KLF13: variants seen among roughly 807,000 people sequenced by gnomAD.
The protein encoded by KLF13 is KLF transcription factor 13, also known as Krueppel-like factor 13.
A neutral mutation model predicts 16.7 loss-of-function variants in KLF13; 8 were observed. That is an observed-to-expected ratio of 0.48 (90% CI 0.28 to 0.87). The LOEUF is 0.87. Ranked by LOEUF, KLF13 falls within the 40% of genes least tolerant of loss-of-function variation. The probability of loss-of-function intolerance (pLI) is 0.10; values close to 1 mark genes in which losing one functional copy is unlikely to be tolerated. For synonymous variants in KLF13, 245 were observed against 208.4 expected (o/e 1.18, Z -1.51); for missense variants, 447 against 452.2 (o/e 0.99, Z 0.10).
chr15:31,361,232 G>A lies in KLF13; in HGVS notation c.578-10778G>A, dbSNP rs576665028. 5.9e-5 allele frequency among the ~76,000 whole-genome samples: 9 copies of A among 152,298 alleles called. No homozygotes were observed. The South Asian group carries it at 1.0e-3, about 18-fold the overall frequency. Reference sequence around the variant, plus strand: ...GTGGGTGCCCCTGCTTGCTCCTCCTGGAACGTGAACGTGGGCAGCAGTGTT... The same window carrying A: ...GTGGGTGCCCCTGCTTGCTCCTCCTAGAACGTGAACGTGGGCAGCAGTGTT... On this transcript the variant is annotated intron_variant, in intron 1 of 1. Coordinates refer to ENST00000307145, the MANE Select transcript of KLF13 (RefSeq NM_015995.4).
chr15:31,419,999 C>A (rs7165900), intron 1 of KLF13: 73,101 of 297,222 alleles, frequency 0.25, 10,189 homozygotes, highest in East Asian at 0.44. Context: ...GATTTCTCAG[C>A]AGAAACATTA....
intron 1 of KLF13, among the ~76,000 whole-genome samples, chr15:31,419,295 T>C (rs2040293524): frequency 6.6e-6 from 1 of 151,340 alleles, no homozygotes; most frequent in Admixed American, 6.6e-5. Flanking sequence ...AGGAACAAAA[T>C]AAATATCCAG....
chr15:31,349,751 A>G (rs925824298), intron 1 of KLF13, among the ~76,000 whole-genome samples: 10 of 152,306 alleles, frequency 6.6e-5, no homozygotes, highest in Middle Eastern at 6.8e-3. Context: ...AGGGGGCTTC[A>G]GGTCCTCAGG....
intron 1 of KLF13, among the ~76,000 whole-genome samples, chr15:31,358,073 T>C (rs1284192612): frequency 6.6e-6 from 1 of 151,902 alleles, no homozygotes; most frequent in Non-Finnish European, 1.5e-5. Flanking sequence ...TGGGGAGAGA[T>C]GAGGGTAAGG....
chr15:31,384,952 G>A (rs1355357261), intron 1 of KLF13, among the ~76,000 whole-genome samples: 1 of 152,174 alleles, frequency 6.6e-6, no homozygotes, highest in Non-Finnish European at 1.5e-5. Flanking sequence ...TCAATAGGAT[G>A]GCATTAAGGA....
intron 1 of KLF13, among the ~76,000 whole-genome samples, chr15:31,333,649 A>G (rs1207761457): frequency 2.6e-5 from 4 of 152,106 alleles, no homozygotes; most frequent in Admixed American, 6.5e-5. Context: ...ATTATATATT[A>G]TCTGATACGC....
intron 1 of KLF13, among the ~76,000 whole-genome samples, chr15:31,357,545 GT>G (rs1256189306): frequency 1.3e-5 from 2 of 152,240 alleles, no homozygotes; most frequent in Non-Finnish European, 2.9e-5. Flanking sequence ...GGGAGGGAGG[GT>G]GGTCCTGCTG....
At chr15:31,349,700 G>A (rs1209387461) in intron 1 of KLF13, among the ~76,000 whole-genome samples, 1 of 152,174 alleles carries the variant, frequency 6.6e-6, no homozygotes, top group Non-Finnish European at 1.5e-5. Context: ...GCGAGTATGG[G>A]CCAAGCCTGT....
intron 1 of KLF13, among the ~76,000 whole-genome samples, chr15:31,410,822 G>A (rs2040185144): frequency 6.6e-6 from 1 of 152,120 alleles, no homozygotes; most frequent in African/African-American, 2.4e-5. Context: ...CAATTAGGCT[G>A]TAGATCTCCG....
intron 2 of KLF13, among the ~76,000 whole-genome samples, chr15:31,402,375 G>T (rs901035654): frequency 2.6e-5 from 4 of 152,230 alleles, no homozygotes; most frequent in Admixed American, 6.5e-5. Context: ...GATGAAAGCA[G>T]TGTGCTTGGG....
At chr15:31,352,245 G>A (rs1385770101) in intron 1 of KLF13, among the ~76,000 whole-genome samples, 4 of 152,188 alleles carry the variant, frequency 2.6e-5, no homozygotes, top group African/African-American at 9.7e-5. Context: ...CTTGGATGCC[G>A]GGTCCTGAGA....
At chr15:31,346,004 G>A (rs1039082142) in intron 1 of KLF13, among the ~76,000 whole-genome samples, 4 of 152,090 alleles carry the variant, frequency 2.6e-5, no homozygotes, top group African/African-American at 9.7e-5. Context: ...AGCTCCACAA[G>A]TGTGCCCCTC....
At chr15:31,333,929 T>C (rs1022119842) in intron 1 of KLF13, among the ~76,000 whole-genome samples, 2 of 151,388 alleles carry the variant, frequency 1.3e-5, no homozygotes, top group Non-Finnish European at 3.0e-5. Flanking sequence ...GCACAGGTGA[T>C]ACTGGGCACT....
chr15:31,382,408 CGGAG>C (rs1566828435), downstream of KLF13, among the ~76,000 whole-genome samples: 1 of 152,214 alleles, frequency 6.6e-6, no homozygotes, highest in Non-Finnish European at 1.5e-5. Context: ...GCAAAAGTCA[CGGAG>C]GGACCCTGGT....
At position 31,397,878 on chromosome 15, in the gene KLF13, G is replaced by GT. The variant is rs1299160807; in HGVS notation, n.529+4187_529+4188insT. 5.0e-4 allele frequency among the ~76,000 whole-genome samples: 74 copies of GT among 149,396 alleles called. 1 individual carries two copies. The highest frequency in any genetic ancestry group is 1.8e-3 in the African/African-American group (69 of 39,400). On this transcript the variant is annotated intron_variant and non_coding_transcript_variant, in intron 2 of 2. Transcript: ENST00000500533. The stretch of plus-strand genomic sequence containing the variant: ...TCTGGTCTTTGGGGGTGGCGGCGGG[G>GT]GGGGTGGTGATCCACTCTCCCTGGG...
chr15:31,391,639 AGGCGGCTGCCGTG>A (rs2039871565), upstream of KLF13, among the ~76,000 whole-genome samples: 1 of 146,382 alleles, frequency 6.8e-6, no homozygotes, highest in Non-Finnish European at 1.5e-5. Flanking sequence ...CGGGAGGTCT[AGGCGGCTGCCGTG>A]GGCCGGTCCG....
chr15:31,430,253 G>T (rs979913898), intron 1 of KLF13, among the ~76,000 whole-genome samples: 1 of 152,234 alleles, frequency 6.6e-6, no homozygotes, highest in Non-Finnish European at 1.5e-5. Context: ...ACCCAGCAAA[G>T]AGGTCATATC....
chr15:31,434,765 C>G (rs1440240307), intron 1 of KLF13, among the ~76,000 whole-genome samples: 1 of 152,206 alleles, frequency 6.6e-6, no homozygotes, highest in East Asian at 1.9e-4. Context: ...GGGCAGCAGC[C>G]CACGCCTCCC....
chr15:31,420,609 C>A (rs1359405409), intron 1 of KLF13: 2 of 425,566 alleles, frequency 4.7e-6, no homozygotes, highest in Non-Finnish European at 8.8e-6. Flanking sequence ...AACCCTACAG[C>A]TTTTACCTTC....
Sources: gnomAD v4.1 joint callset for allele counts (sites outside exome capture counted in the v4.1 genomes callset) on GRCh38, gnomAD v4.1.1 for gene constraint, MANE v1.5 for transcripts, NCBI Gene and HGNC (gene_info 2026-07-23, HGNC 2026-07-21) for gene names.